Variants in CWF19L1 observed in about 807,000 individuals in gnomAD.
The protein encoded by CWF19L1 is CWF19 like cell cycle control factor 1.
Under a neutral mutation model 69.7 loss-of-function variants are expected in CWF19L1, and 60 were observed. That is an observed-to-expected ratio of 0.86 (90% CI 0.70 to 1.07). The LOEUF (loss-of-function observed/expected upper bound fraction) is 1.07, where lower values mean the gene tolerates loss of function less well. Among genes scored for constraint, CWF19L1 ranks in the 50% least tolerant of loss-of-function variants. The pLI is 0.00. For missense variants in CWF19L1, 591 were observed against 638.9 expected (o/e 0.92, Z 0.81); for synonymous variants, 209 against 222.2 (o/e 0.94, Z 0.53).
chr10:100,246,967 G>A (rs779852923), intron 7 of CWF19L1, 32 bp from the exon 8 acceptor site: 8 of 1,559,004 alleles, frequency 5.1e-6, no homozygotes, highest in Non-Finnish European at 7.0e-6. Context: ...TGACATTAGG[G>A]GAAATACTAT....
intron 7 of CWF19L1, among the ~76,000 whole-genome samples, chr10:100,249,497 T>C (rs1029260059): frequency 6.6e-6 from 1 of 152,190 alleles, no homozygotes; most frequent in African/African-American, 2.4e-5. Flanking sequence ...TGCACTGTTT[T>C]CCAATACAAA....
chr10:100,238,249 A>G lies in CWF19L1; in HGVS notation c.1045-18T>C. 6.2e-7 allele frequency: 1 copy of G among 1,611,648 alleles called. No individual in the cohort carries two copies. Among genetic ancestry groups the G allele is most frequent in the Non-Finnish European group, 8.5e-7 (1 of 1,177,706 alleles). ...AGGTAGCACTGAAGAAGCAGCACAC[A>G]GAATTGAGACATCAATACAGCATGT... On this transcript the variant is annotated intron_variant, in intron 10 of 13. Transcript: ENST00000354105.
intron 9 of CWF19L1, among the ~76,000 whole-genome samples, chr10:100,244,907 G>A (rs1456945447): frequency 6.6e-6 from 1 of 152,022 alleles, no homozygotes; most frequent in Middle Eastern, 3.2e-3. Flanking sequence ...CACCCGCTTC[G>A]GCCACCCAAA....
rs12572051 is a variant in CWF19L1 at position 100,235,312 on chromosome 10, G to A, written c.1472+355C>T. Among the ~76,000 whole-genome samples, 159 of 152,328 alleles carry A rather than the reference G, an allele frequency of 1.0e-3. 5 individuals are homozygous for A. In the East Asian group the frequency reaches 0.026, roughly 25 times the overall value. On this transcript the variant is annotated intron_variant, in intron 13 of 13. Coordinates refer to ENST00000354105, the MANE Select transcript of CWF19L1 (RefSeq NM_018294.6). ...TGGTACAGTTCTTGGCACAGAGTAT[G>A]TGCTCAATTAAAGTTCCCTAGCACT...
intron 10 of CWF19L1, among the ~76,000 whole-genome samples, chr10:100,240,719 G>A (rs1396733637): frequency 6.6e-6 from 1 of 152,156 alleles, no homozygotes; most frequent in East Asian, 1.9e-4. Context: ...TCTCCTGCGT[G>A]TGATCTTGAA....
rs546405993 is a variant in CWF19L1, at chr10:100,267,488, C to T, written c.23+83G>A. On this transcript the variant is annotated intron_variant, in intron 1 of 13. Coordinates refer to ENST00000354105, the MANE Select transcript of CWF19L1 (RefSeq NM_018294.6). ...CCGCCTTTTCCTTCTCCCTTCCCGT[C>T]ATGGGAAAGACTCCCGCCCGTGTCG... The T allele has an allele frequency of 1.2e-5, 20 of 1,612,430 alleles. No individual in the cohort carries two copies. The African/African-American group carries it at 2.5e-4, about 20-fold the overall frequency.
At position 100,248,723 on chromosome 10, in the gene CWF19L1, A is replaced by G. The variant is rs531689047; in HGVS notation, c.708+1525T>C. 4 of 1,144,232 alleles carry G rather than the reference A, an allele frequency of 3.5e-6. No individual in the cohort carries two copies. In the African/African-American group the frequency reaches 5.9e-5, roughly 17 times the overall value. 70.9% of individuals were successfully genotyped at this position (1,144,232 alleles called of 1,614,324 possible). On this transcript the variant is annotated intron_variant, in intron 7 of 13. Coordinates refer to ENST00000354105, the MANE Select transcript of CWF19L1 (RefSeq NM_018294.6). ...AGGCAGATGAGCAACGACCTTACAG[A>G]GCAAGCAGCCACCTTTGGGCTCATC...
chr10:100,246,960 C>T, intron 7 of CWF19L1, 25 bp from the exon 8 acceptor site: 1 of 1,573,880 alleles, frequency 6.4e-7, no homozygotes, highest in Non-Finnish European at 8.7e-7. Context: ...AACATAATGA[C>T]ATTAGGGGAA....
At chr10:100,238,781 T>C (rs559967957) in intron 10 of CWF19L1, among the ~76,000 whole-genome samples, 1 of 151,842 alleles carries the variant, frequency 6.6e-6, no homozygotes, top group Non-Finnish European at 1.5e-5. Context: ...AATACAAAAA[T>C]TAGCCAGGCC....
At chr10:100,238,482 G>C (rs1319964190) in intron 10 of CWF19L1, among the ~76,000 whole-genome samples, 1 of 152,174 alleles carries the variant, frequency 6.6e-6, no homozygotes, top group East Asian at 1.9e-4. Context: ...AATGAATTGG[G>C]AGAGGCACAC....
Position 100,233,285 on chromosome 10 carries a change from G to T in CWF19L1, c.1559C>A (p.Thr520Asn), listed in dbSNP as rs746671099. Residue 520 changes from threonine to asparagine, a missense_variant, in exon 14 of 14, where the codon ACC becomes AAC. This residue lies in a region of CWF19L1 where 458 missense variants were observed against 489.3 expected (regional missense o/e 0.94). Transcript: ENST00000354105. ...GTCTTTCCGGAAGCGGCGAGCCAGG[G>T]TCTCCTCGTCTTCCTTGCTGATCTG... ...QCQISKEDEE[T>N]LARRFRKDFE... The T allele has an allele frequency of 7.4e-6, 12 of 1,613,932 alleles. No homozygotes were observed. The South Asian group carries it at 1.1e-4, about 15-fold the overall frequency.
At chr10:100,261,127 T>A in intron 2 of CWF19L1, 83 bp from the exon 3 acceptor site, 2 of 880,878 alleles carry the variant, frequency 2.3e-6, no homozygotes, top group Non-Finnish European at 1.8e-6. Context: ...AACTAGTTAT[T>A]TAATAGTTTC....
chr10:100,236,855 T>C lies in CWF19L1; in HGVS notation c.1369A>G (p.Lys457Glu). 6.3e-7 allele frequency: 1 copy of C among 1,591,070 alleles called. No individual in the cohort carries two copies. The highest frequency in any genetic ancestry group is 8.5e-7 in the Non-Finnish European group (1 of 1,172,770). ...LLEIPEHSDI[K>E]QIAQPGAAYF... ...ATCACCATCCCCTGTTTCACCTGCT[T>C]GATGTCAGAGTGCTCTGGGATTTCC... The change falls in exon 12 of 14, where the codon AAG becomes GAG. Residue 457 changes from lysine (K) to glutamate (E), a missense_variant. By Grantham distance (56) the Lys-to-Glu change is moderately conservative (BLOSUM62 1). Transcript: ENST00000354105.
Position 100,246,820 on chromosome 10 carries a change from A to G in CWF19L1, c.824T>C (p.Ile275Thr), listed in dbSNP as rs372189185. 2.6e-5 allele frequency: 42 copies of G among 1,613,930 alleles called. 1 individual carries two copies. The highest frequency in any genetic ancestry group is 3.3e-5 in the Non-Finnish European group (39 of 1,179,926). ...PYRKSGQEAS[I>T]GKQILAPVEE... The stretch of plus-strand genomic sequence containing the variant: ...CACAGGGGCAAGAATTTGCTTTCCT[A>G]TGGATGCTTCCTGCCCAGATTTTCT... The change falls in exon 8 of 14, where the codon ATA (isoleucine) becomes ACA (threonine). Residue 275 changes from isoleucine (I) to threonine (T), a missense_variant. Physicochemically the swap from Ile to Thr is moderately conservative, Grantham distance 89. This residue lies in a region of CWF19L1 where 458 missense variants were observed against 489.3 expected (regional missense o/e 0.94). Transcript: ENST00000354105.
At chr10:100,264,001 C>T (rs979695891) in intron 1 of CWF19L1, among the ~76,000 whole-genome samples, 2 of 152,152 alleles carry the variant, frequency 1.3e-5, no homozygotes, top group African/African-American at 2.4e-5. Context: ...AACAATGTTT[C>T]GGTCAACAAG....
At chr10:100,261,901 G>C in intron 2 of CWF19L1, 78 bp downstream of exon 2, 1 of 1,248,180 alleles carries the variant, frequency 8.0e-7, no homozygotes, top group Non-Finnish European at 1.1e-6. Context: ...GTTCAATCAA[G>C]ACTTAAAGGA....
intron 1 of CWF19L1, among the ~76,000 whole-genome samples, chr10:100,266,874 C>A (rs1847611182): frequency 6.7e-6 from 1 of 149,894 alleles, no homozygotes; most frequent in Non-Finnish European, 1.5e-5. Context: ...TTTTGAGAGT[C>A]TCGTTCTGTC....
At chr10:100,237,777 G>GA (rs1416933649) in intron 11 of CWF19L1, among the ~76,000 whole-genome samples, 1 of 151,886 alleles carries the variant, frequency 6.6e-6, no homozygotes, top group Non-Finnish European at 1.5e-5. Flanking sequence ...CTCCCGAGTA[G>GA]CTGGGATTAC....
chr10:100,235,867 A>G, intron 12 of CWF19L1, 103 bp from the exon 13 acceptor site: 2 of 811,348 alleles, frequency 2.5e-6, no homozygotes, highest in Non-Finnish European at 4.0e-6. Flanking sequence ...CACAAGAAAA[A>G]AAGATATGTA....
Sources: allele counts gnomAD v4.1 joint callset (sites outside exome capture counted in the v4.1 genomes callset), GRCh38; gene constraint gnomAD v4.1.1; regional missense constraint gnomAD v4.1.1; transcripts MANE v1.5; gene names NCBI Gene and HGNC (gene_info 2026-07-23, HGNC 2026-07-21).